The following DOCK8 variants were observed in gnomAD, a reference collection of about 807,000 sequenced individuals.
DOCK8 encodes the protein dedicator of cytokinesis 8, also known as dedicator of cytokinesis protein 8.
DOCK8 carries 141 observed loss-of-function variants against 245.6 expected under a neutral mutation model. The ratio of observed to expected loss-of-function variants is 0.57; its 90% confidence interval spans 0.50 to 0.66. The LOEUF is 0.66. DOCK8 is among the 30% of genes least tolerant of loss of function. The probability of loss-of-function intolerance (pLI) is 0.00; values close to 1 mark genes in which losing one functional copy is unlikely to be tolerated. For missense variants in DOCK8, 2,965 were observed against 2,603.4 expected (o/e 1.14, Z -3.02); for synonymous variants, 1,168 against 970.2 (o/e 1.20, Z -3.79).
chr9:238,853 G>C (rs539559844), intron 1 of DOCK8, among the ~76,000 whole-genome samples: 1 of 152,252 alleles, frequency 6.6e-6, no homozygotes, highest in South Asian at 2.1e-4. Flanking sequence ...ATTCCAGTTC[G>C]GGGTCGTGGA....
rs764066199 is a variant in DOCK8 at position 426,910 on chromosome 9, G to A, written c.4267G>A (p.Ala1423Thr). ...AACAAAGGCCGAGTTAGATCAAGAA[G>A]CCTTGATCAGTGGCAATCTGGCTAC... ...DKTKAELDQE[A>T]LISGNLATEA... The change falls in exon 34 of 48, where the codon GCC becomes ACC. Residue 1423 changes from alanine to threonine, a missense_variant. By Grantham distance (58) the Ala-to-Thr change is moderately conservative (BLOSUM62 0). This residue lies in a region of DOCK8 where 2,825 missense variants were observed against 2,453.5 expected (regional missense o/e 1.15). Coordinates refer to ENST00000432829, the MANE Select transcript of DOCK8 (RefSeq NM_203447.4). 1.2e-6 allele frequency: 2 copies of A among 1,614,076 alleles called. No homozygotes were observed. The highest frequency in any genetic ancestry group is 4.5e-5 in the East Asian group (2 of 44,870).
chr9:398,606 T>G (rs2054577147), intron 25 of DOCK8, among the ~76,000 whole-genome samples: 1 of 152,158 alleles, frequency 6.6e-6, no homozygotes, highest in Non-Finnish European at 1.5e-5. Context: ...GAATTTACCC[T>G]ACGGAGTGAA....
At chr9:444,841 C>G (rs2057202156) in intron 43 of DOCK8, among the ~76,000 whole-genome samples, 1 of 152,236 alleles carries the variant, frequency 6.6e-6, no homozygotes, top group Non-Finnish European at 1.5e-5. Flanking sequence ...GCTGCCCACT[C>G]AGCCCAACTC....
intron 14 of DOCK8, among the ~76,000 whole-genome samples, chr9:357,047 G>C (rs1468874617): frequency 6.6e-6 from 1 of 152,144 alleles, no homozygotes; most frequent in Non-Finnish European, 1.5e-5. Flanking sequence ...TTGGGTCTTT[G>C]CTATTGAAAA....
Position 304,640 on chromosome 9 carries a change from A to G in DOCK8, c.464A>G (p.His155Arg), listed in dbSNP as rs1444461379. The G allele has an allele frequency of 3.1e-6, 5 of 1,614,246 alleles. No homozygotes were observed. Among genetic ancestry groups the G allele is most frequent in the Non-Finnish European group, 4.2e-6 (5 of 1,180,032 alleles). Residue 155 changes from histidine to arginine, a missense_variant, in exon 5 of 48, where the codon CAC becomes CGC. By Grantham distance (29) the His-to-Arg change is conservative. Around this residue, in one of 3 missense-constraint regions of DOCK8, gnomAD observed 2,825 missense variants for 2,453.5 expected, o/e 1.15. Transcript: ENST00000432829. ...FKKTGSRKDF[H>R]KTLPKQTFES... ...AAGACTGGATCTCGAAAAGATTTTC[A>G]CAAGACGCTTCCGAAACAGACGTTT...
At chr9:286,750 C>T in intron 3 of DOCK8, 114 bp downstream of exon 3, 1 of 1,007,932 alleles carries the variant, frequency 9.9e-7, no homozygotes, top group South Asian at 1.3e-5. Flanking sequence ...ATTACTCAAT[C>T]CATTCAAATG....
chr9:215,435 G>A lies in DOCK8; in HGVS notation c.53+406G>A, dbSNP rs373394794. The A allele has an allele frequency of 2.7e-6, 4 of 1,505,508 alleles. No homozygotes were observed. The Admixed American group carries it at 6.9e-5, about 26-fold the overall frequency. 93.3% of individuals were successfully genotyped at this position (1,505,508 alleles called of 1,614,324 possible). A position where few individuals can be genotyped will look rare whatever the true frequency, so the allele number is the denominator to read the frequency against. ...CTTTGAGGCAAGTCTGAGCGCGGGGGGAAGAAGTGAAGTGGCTGAAATTAG... is the reference window on the plus strand; with the variant it reads ...CTTTGAGGCAAGTCTGAGCGCGGGGAGAAGAAGTGAAGTGGCTGAAATTAG... On this transcript the variant is annotated intron_variant, in intron 1 of 47. Transcript: ENST00000432829.
In DOCK8 at chr9:441,179, A is replaced by G; in HGVS notation, c.5224-107A>G. The G allele has an allele frequency of 5.3e-6, 8 of 1,521,866 alleles. No homozygotes were observed. The South Asian group carries it at 7.9e-5, about 15-fold the overall frequency. The allele number at this position is 1,521,866 out of a possible 1,614,324, so 94.3% of individuals were successfully genotyped here. On this transcript the variant is annotated intron_variant, in intron 40 of 47. Transcript: ENST00000432829. Reference sequence around the variant, plus strand: ...TTGCCCTGTGAAATACTGTGATACAACAATAAATTCACTCTCCAGCACATT... The same window carrying G: ...TTGCCCTGTGAAATACTGTGATACAGCAATAAATTCACTCTCCAGCACATT...
chr9:425,607 C>G (rs986436788), intron 33 of DOCK8, among the ~76,000 whole-genome samples: 1 of 149,320 alleles, frequency 6.7e-6, no homozygotes, highest in African/African-American at 2.5e-5. Flanking sequence ...TACTTTATCA[C>G]GATATAAAAA....
rs574447601 is a variant in DOCK8 at position 319,121 on chromosome 9, A to AC, written c.827+1998dup. On this transcript the variant is annotated intron_variant, in intron 7 of 47. Coordinates refer to ENST00000432829, the MANE Select transcript of DOCK8 (RefSeq NM_203447.4). ...AGGCCGGCCTGGGCAATATAGTGAGACCCCCTCTCTACCAAAAACTAACAG... is the reference window on the plus strand; with the variant it reads ...AGGCCGGCCTGGGCAATATAGTGAGACCCCCCTCTCTACCAAAAACTAACAG... Among the ~76,000 whole-genome samples the AC allele has an allele frequency of 9.9e-5, 15 of 151,784 alleles. No individual in the cohort carries two copies. In the South Asian group the frequency reaches 2.1e-3, roughly 21 times the overall value.
intron 39 of DOCK8, 39 bp from the exon 40 acceptor site, chr9:439,206 T>A: frequency 4.3e-6 from 7 of 1,613,998 alleles, no homozygotes; most frequent in Non-Finnish European, 5.9e-6. Context: ...ACTAGTCTGG[T>A]CGCCCTGTTC....
intron 39 of DOCK8, among the ~76,000 whole-genome samples, chr9:438,195 C>T (rs10974439): frequency 0.13 from 19,155 of 152,196 alleles, 1,870 homozygotes; most frequent in African/African-American, 0.27. Context: ...CATGATCTTG[C>T]TAACCAGGCC....
rs76879995 is a variant in DOCK8 at position 380,146 on chromosome 9, G to A, written c.2605+211G>A. On this transcript the variant is annotated intron_variant, in intron 21 of 47. Transcript: ENST00000432829. ...TCTAGGAGGCTGAGATGGCAGGATCGCTTGGAGCAGTGGCTCACATCTGCA... is the reference window on the plus strand; with the variant it reads ...TCTAGGAGGCTGAGATGGCAGGATCACTTGGAGCAGTGGCTCACATCTGCA... 289 of 133,486 alleles carry A rather than the reference G, an allele frequency of 2.2e-3. 2 individuals carry two copies. The African/African-American group carries it at 0.055, about 26-fold the overall frequency. 8.3% of individuals were successfully genotyped at this position (133,486 alleles called of 1,614,324 possible). A position where few individuals can be genotyped will look rare whatever the true frequency, so the allele number is the denominator to read the frequency against.
intron 2 of DOCK8, among the ~76,000 whole-genome samples, chr9:276,427 T>C (rs1370492098): frequency 1.3e-5 from 2 of 152,018 alleles, no homozygotes; most frequent in African/African-American, 4.8e-5. Flanking sequence ...TTTATTGGGG[T>C]TTTTAAAAAC....
chr9:289,500 A>G lies in DOCK8; in HGVS notation c.333-10A>G, dbSNP rs1563880630. 2.5e-6 allele frequency: 4 copies of G among 1,611,864 alleles called. No homozygotes were observed. Among genetic ancestry groups the G allele is most frequent in the East Asian group, 2.2e-5 (1 of 44,834 alleles). On this transcript the variant is annotated splice_polypyrimidine_tract_variant and intron_variant, in intron 3 of 47. Coordinates refer to ENST00000432829, the MANE Select transcript of DOCK8 (RefSeq NM_203447.4). ...TAATAACGTGTTTATTTCATTTTCT[A>G]CCTCATTAGGGTTGAACTGGACCCT...
At chr9:224,409 G>A (rs543388) in intron 1 of DOCK8, among the ~76,000 whole-genome samples, 151,902 of 152,310 alleles carry the variant, frequency 1, 75,748 homozygotes, top group Middle Eastern at 1. Context: ...CAATTAAGGA[G>A]AGTATGCACA....
At chr9:368,205 C>T (rs776384233) in intron 15 of DOCK8, 70 bp downstream of exon 15, 148 of 1,267,824 alleles carry the variant, frequency 1.2e-4, no homozygotes, top group Non-Finnish European at 1.6e-4. Flanking sequence ...CACACAAGTC[C>T]GGGACTCATC....
At chr9:389,843 C>T (rs1418601429) in intron 23 of DOCK8, among the ~76,000 whole-genome samples, 1 of 151,144 alleles carries the variant, frequency 6.6e-6, no homozygotes, top group Non-Finnish European at 1.5e-5. Context: ...GGCGAAACCC[C>T]ATCTCTACCA....
intron 37 of DOCK8, among the ~76,000 whole-genome samples, chr9:432,675 A>G (rs2056760726): frequency 6.6e-6 from 1 of 152,186 alleles, no homozygotes; most frequent in Non-Finnish European, 1.5e-5. Flanking sequence ...TCTGGTGGCC[A>G]GGAAAGCCTG....
Sources: allele counts gnomAD v4.1 joint callset (sites outside exome capture counted in the v4.1 genomes callset), GRCh38; gene constraint gnomAD v4.1.1; regional missense constraint gnomAD v4.1.1; transcripts MANE v1.5; gene names NCBI Gene and HGNC (gene_info 2026-07-23, HGNC 2026-07-21).